CDK5RAP2: variants seen among roughly 807,000 people sequenced by gnomAD.
CDK5RAP2 encodes the protein CDK5 regulatory subunit-associated protein 2.
Under a neutral mutation model 232.9 loss-of-function variants are expected in CDK5RAP2, and 147 were observed. That is an observed-to-expected ratio of 0.63 (90% CI 0.55 to 0.72). The LOEUF (loss-of-function observed/expected upper bound fraction) is 0.72. Among genes scored for constraint, CDK5RAP2 ranks in the 30% least tolerant of loss-of-function variants. CDK5RAP2 has a pLI of 0.00. For missense variants in CDK5RAP2, 2,195 were observed against 2,231.5 expected (o/e 0.98, Z 0.33); for synonymous variants, 833 against 833.7 (o/e 1.00, Z 0.01).
chr9:120,491,247 ATTTTT>A, intron 13 of CDK5RAP2, 55 bp downstream of exon 13: 1 of 1,240,972 alleles, frequency 8.1e-7, no homozygotes, highest in Non-Finnish European at 1.2e-6. Context: ...CAAAAGAATT[ATTTTT>A]TAAAAAAATC....
chr9:120,408,871 C>T (rs1368251238), intron 30 of CDK5RAP2, among the ~76,000 whole-genome samples: 1 of 152,278 alleles, frequency 6.6e-6, no homozygotes, highest in African/African-American at 2.4e-5. Context: ...ATTCAGCTCT[C>T]TGAGCAAATG....
chr9:120,555,058 T>C (rs2042175158), intron 3 of CDK5RAP2, among the ~76,000 whole-genome samples: 1 of 130,272 alleles, frequency 7.7e-6, no homozygotes, highest in Non-Finnish European at 1.6e-5. Flanking sequence ...GAGAAACAGA[T>C]ATAAAAAAAG....
At chr9:120,468,663 G>C (rs1564261579) in intron 17 of CDK5RAP2, among the ~76,000 whole-genome samples, 1 of 152,224 alleles carries the variant, frequency 6.6e-6, no homozygotes, top group South Asian at 2.1e-4. Context: ...TCCCACAGCT[G>C]GGGTGTCTGG....
intron 15 of CDK5RAP2, among the ~76,000 whole-genome samples, chr9:120,476,132 G>A (rs1178401431): frequency 6.6e-6 from 1 of 151,908 alleles, no homozygotes; most frequent in Admixed American, 6.6e-5. Flanking sequence ...GCTCACTATG[G>A]TAAGAGCAGA....
Position 120,404,030 on chromosome 9 carries a change from T to C in CDK5RAP2, c.5041+6A>G. On this transcript the variant is annotated splice_donor_region_variant and intron_variant, in intron 33 of 37. Coordinates refer to ENST00000349780, the MANE Select transcript of CDK5RAP2 (RefSeq NM_018249.6). ...TCCCACAGTTACCTGGACTTCAGCTTTGTACCTGATTTTGGTGTCACTGCC... is the reference window on the plus strand; with the variant it reads ...TCCCACAGTTACCTGGACTTCAGCTCTGTACCTGATTTTGGTGTCACTGCC... 4 of 1,597,328 alleles carry C rather than the reference T, an allele frequency of 2.5e-6. No homozygotes were observed. Among genetic ancestry groups the C allele is most frequent in the Non-Finnish European group, 3.4e-6 (4 of 1,164,686 alleles).
chr9:120,397,544 T>TAAAAAAAAAAAAAAAAAAAAA (rs760469422), intron 35 of CDK5RAP2, among the ~76,000 whole-genome samples: 22 of 48,776 alleles, frequency 4.5e-4, no homozygotes, highest in Non-Finnish European at 7.0e-4. Flanking sequence ...AAAACATTCT[T>TAAAAAAAAAAAAAAAAAAAAA]AAAAAAAAAA....
intron 15 of CDK5RAP2, among the ~76,000 whole-genome samples, chr9:120,475,191 T>C (rs2131551908): frequency 6.6e-6 from 1 of 152,138 alleles, no homozygotes; most frequent in Non-Finnish European, 1.5e-5. Context: ...AGGCTCAGGG[T>C]GAGAAATTAC....
At chr9:120,470,052 A>T (rs748065802) in intron 17 of CDK5RAP2, 59 bp downstream of exon 17, 15 of 874,886 alleles carry the variant, frequency 1.7e-5, no homozygotes, top group Middle Eastern at 3.2e-4. Context: ...GGAACCCAAG[A>T]TACAACAAAC....
intron 1 of CDK5RAP2, among the ~76,000 whole-genome samples, chr9:120,575,515 G>A (rs1159962682): frequency 1.3e-5 from 2 of 152,150 alleles, no homozygotes; most frequent in South Asian, 2.1e-4. Context: ...TAAGACCCAA[G>A]GGGTCTTATG....
At position 120,532,839 on chromosome 9, in the gene CDK5RAP2, G is replaced by T. The variant is rs192900605; in HGVS notation, c.663-2699C>A. On this transcript the variant is annotated intron_variant, in intron 7 of 37. Transcript: ENST00000349780. The stretch of plus-strand genomic sequence containing the variant: ...AAGATGCCGCCTTTAGCAAAGCTCT[G>T]ATCCGACATCCATGGAGACTCTACC... 3.3e-5 allele frequency among the ~76,000 whole-genome samples: 5 copies of T among 152,258 alleles called. No individual in the cohort carries two copies. In the East Asian group the frequency reaches 9.6e-4, roughly 29 times the overall value.
Position 120,404,072 on chromosome 9 carries a change from G to C in CDK5RAP2, c.5005C>G (p.Leu1669Val). 1 of 1,613,656 alleles carries C rather than the reference G, an allele frequency of 6.2e-7. No homozygotes were observed. The highest frequency in any genetic ancestry group is 1.3e-5 in the African/African-American group (1 of 75,040). The change falls in exon 33 of 38, where the codon CTG (leucine) becomes GTG (valine). Residue 1669 changes from leucine (L) to valine (V), a missense_variant. By Grantham distance (32) the Leu-to-Val change is conservative. Transcript: ENST00000349780. ...GTCACTGCCTGGGAGGAATCAAACA[G>C]ATCAAATGAATTATCACTTTCCATG... ...YPMESDNSFDLFDSSQAVTPK... is the reference protein window; with the variant it reads ...YPMESDNSFDVFDSSQAVTPK...
chr9:120,434,603 G>A (rs577751486), intron 25 of CDK5RAP2, among the ~76,000 whole-genome samples: 23 of 152,288 alleles, frequency 1.5e-4, no homozygotes, highest in African/African-American at 4.6e-4. Flanking sequence ...GAGCTGAAGC[G>A]GTGGCAGCAA....
chr9:120,391,634 G>A (rs2031989185), intron 36 of CDK5RAP2, among the ~76,000 whole-genome samples: 1 of 152,210 alleles, frequency 6.6e-6, no homozygotes. Flanking sequence ...GCCAGTGAGT[G>A]GCCCCAGGGC....
At chr9:120,512,543 T>C (rs143849279) in intron 12 of CDK5RAP2, among the ~76,000 whole-genome samples, 283 of 152,348 alleles carry the variant, frequency 1.9e-3, no homozygotes, top group African/African-American at 6.3e-3. Flanking sequence ...ATACTTCAAG[T>C]TGGGTGTTCT....
At chr9:120,404,422 C>T (rs2033293989) in intron 32 of CDK5RAP2, among the ~76,000 whole-genome samples, 1 of 152,200 alleles carries the variant, frequency 6.6e-6, no homozygotes, top group Non-Finnish European at 1.5e-5. Context: ...GGGGCACTAC[C>T]CCCAACTTGG....
chr9:120,532,297 G>C (rs1484759584), intron 7 of CDK5RAP2, among the ~76,000 whole-genome samples: 1 of 152,158 alleles, frequency 6.6e-6, no homozygotes, highest in Non-Finnish European at 1.5e-5. Context: ...TATTTGATCT[G>C]CAGGACTTCC....
At chr9:120,447,810 T>G in intron 22 of CDK5RAP2, 85 bp downstream of exon 22, 2 of 1,004,956 alleles carry the variant, frequency 2.0e-6, no homozygotes, top group Non-Finnish European at 3.2e-6. Context: ...CTTATTGCAA[T>G]TCTAAACAAC....
intron 14 of CDK5RAP2, among the ~76,000 whole-genome samples, chr9:120,484,816 T>C (rs2038507495): frequency 6.6e-6 from 1 of 151,924 alleles, no homozygotes; most frequent in South Asian, 2.1e-4. Context: ...CAGCCTCAAA[T>C]TCCTGGGCTC....
intron 11 of CDK5RAP2, 60 bp downstream of exon 11, chr9:120,524,926 C>A: frequency 8.3e-7 from 1 of 1,197,620 alleles, no homozygotes; most frequent in South Asian, 1.2e-5. Context: ...GCTGCAAAGT[C>A]CTCACCTCAC....
Sources: gnomAD v4.1 joint callset for allele counts (sites outside exome capture counted in the v4.1 genomes callset) on GRCh38, gnomAD v4.1.1 for gene constraint, MANE v1.5 for transcripts, NCBI Gene and HGNC (gene_info 2026-07-23, HGNC 2026-07-21) for gene names.